Variants in CCR2 observed in about 807,000 individuals in gnomAD.
CCR2 encodes C-C chemokine receptor type 2.
For missense variants in CCR2, 408 were observed against 440.0 expected (o/e 0.93, Z 0.65); for synonymous variants, 183 against 177.1 (o/e 1.03, Z -0.27).
In CCR2 at chr3:46,358,235, G is replaced by A. The variant is rs553980827; in HGVS notation, c.708G>A (p.Lys236=). The A allele has an allele frequency of 2.5e-6, 4 of 1,614,182 alleles. No individual in the cohort carries two copies. In the East Asian group the frequency reaches 8.9e-5, roughly 36 times the overall value. The change falls in exon 2 of 2, where the codon AAG becomes AAA. Residue 236 remains lysine, a synonymous_variant. Coordinates refer to ENST00000445132, the MANE Select transcript of CCR2 (RefSeq NM_001123396.4). ...LKTLLRCRNE[K]KRHRAVRVIF... ...CCCTGCTTCGGTGTCGAAACGAGAA[G>A]AAGAGGCATAGGGCAGTGAGAGTCA...
intron 1 of CCR2, chr3:46,354,746 G>A (rs1005381254): frequency 1.3e-5 from 2 of 152,224 alleles, no homozygotes; most frequent in Non-Finnish European, 2.9e-5. Context: ...ATTAAGTAAT[G>A]TGTGCACAGC....
chr3:46,359,147 G>T lies in CCR2; in HGVS notation c.*537G>T. 2.0e-6 allele frequency: 2 copies of T among 1,005,874 alleles called. No homozygotes were observed. Among genetic ancestry groups the T allele is most frequent in the Non-Finnish European group, 2.4e-6 (2 of 833,574 alleles). 62.3% of individuals were successfully genotyped at this position (1,005,874 alleles called of 1,614,324 possible). ...TGCCACGTGTATTTAACCTTGAAGG[G>T]TTCACCAGGTCAGGGAGAGTTTGGG... On this transcript the variant is annotated 3_prime_UTR_variant, in exon 2 of 2. Coordinates refer to ENST00000445132, the MANE Select transcript of CCR2 (RefSeq NM_001123396.4).
Position 46,358,606 on chromosome 3 carries a change from T to A in CCR2, c.1079T>A (p.Leu360Ter). 6.4e-7 allele frequency: 1 copy of A among 1,570,168 alleles called. No individual in the cohort carries two copies. Among genetic ancestry groups the A allele is most frequent in the Non-Finnish European group, 8.7e-7 (1 of 1,155,920 alleles). Residue 360 changes from leucine (L) to a stop codon, truncating the protein, a stop_gained, in exon 2 of 2, where the codon TTA becomes TAA. Transcript: ENST00000445132. LOFTEE classifies it high-confidence loss of function. ...STGEQEVSAG[L>*] is the part of the protein sequence containing the mutation. The stretch of plus-strand genomic sequence containing the variant: ...GGGGAGCAGGAAGTCTCGGCTGGTT[T>A]ATAAAACGAGGAGCAGTTTGATTGT...
chr3:46,360,041 G>A lies in CCR2; in HGVS notation c.*1431G>A. 1 of 567,954 alleles carries A rather than the reference G, an allele frequency of 1.8e-6. No individual in the cohort carries two copies. Among genetic ancestry groups the A allele is most frequent in the African/African-American group, 1.9e-5 (1 of 51,754 alleles). The allele number at this position is 567,954 out of a possible 1,614,324, so 35.2% of individuals were successfully genotyped here. ...TTCCAGTTCCTCATTTTTGAATACAGGCATAGAGTTCAGACTTTTTTTAAA... is the reference window on the plus strand; with the variant it reads ...TTCCAGTTCCTCATTTTTGAATACAAGCATAGAGTTCAGACTTTTTTTAAA... On this transcript the variant is annotated 3_prime_UTR_variant, in exon 2 of 2. Coordinates refer to ENST00000445132, the MANE Select transcript of CCR2 (RefSeq NM_001123396.4).
chr3:46,359,341 C>T lies in CCR2; in HGVS notation c.*731C>T. On this transcript the variant is annotated 3_prime_UTR_variant, in exon 2 of 2. Coordinates refer to ENST00000445132, the MANE Select transcript of CCR2 (RefSeq NM_001123396.4). Reference sequence around the variant, plus strand: ...CAGATGCTTCTTAGGCCACATCCCCCTGTCTAAAAATTCAGAAAATTTTTG... The same window carrying T: ...CAGATGCTTCTTAGGCCACATCCCCTTGTCTAAAAATTCAGAAAATTTTTG... The T allele has an allele frequency of 9.6e-7, 1 of 1,038,534 alleles. No individual in the cohort carries two copies. Among genetic ancestry groups the T allele is most frequent in the Non-Finnish European group, 1.2e-6 (1 of 857,108 alleles). The allele number at this position is 1,038,534 out of a possible 1,614,324, so 64.3% of individuals were successfully genotyped here.
Position 46,358,571 on chromosome 3 carries a change from G to T in CCR2, c.1044G>T (p.Thr348=). The change falls in exon 2 of 2, where the codon ACG becomes ACT. Residue 348 remains threonine, a synonymous_variant. Transcript: ENST00000445132. ...ETVDGVTSTN[T]PSTGEQEVSA... ...TGGATGGAGTGACTTCAACAAACAC[G>T]CCTTCCACTGGGGAGCAGGAAGTCT... The T allele has an allele frequency of 6.2e-7, 1 of 1,601,148 alleles. No individual in the cohort carries two copies.
intron 1 of CCR2, among the ~76,000 whole-genome samples, chr3:46,356,335 G>T (rs962796119): frequency 6.6e-6 from 1 of 152,196 alleles, no homozygotes; most frequent in Non-Finnish European, 1.5e-5. Flanking sequence ...AGAGCTAAGT[G>T]TGGTGCCTGG....
rs1225694981 is a variant in CCR2, at chr3:46,358,193, C to G, written c.666C>G (p.Tyr222Ter). Residue 222 changes from tyrosine to a stop codon, truncating the protein, a stop_gained, in exon 2 of 2, where the codon TAC becomes TAG. Transcript: ENST00000445132. LOFTEE classifies it low-confidence loss of function (END_TRUNC). ...VLPLLIMVIC[Y>*]SGILKTLLRC... ...CGCTGCTCATCATGGTCATCTGCTA[C>G]TCGGGAATCCTGAAAACCCTGCTTC... The G allele has an allele frequency of 1.2e-6, 2 of 1,614,084 alleles. No homozygotes were observed. The highest frequency in any genetic ancestry group is 1.7e-6 in the Non-Finnish European group (2 of 1,180,038).
chr3:46,354,349 A>G (rs1368976126), intron 1 of CCR2, among the ~76,000 whole-genome samples, 172 bp downstream of exon 1: 1 of 152,192 alleles, frequency 6.6e-6, no homozygotes, highest in Non-Finnish European at 1.5e-5. Context: ...AGGAGATGTT[A>G]GAGAAACCCT....
At chr3:46,355,525 G>A (rs966354424) in intron 1 of CCR2, among the ~76,000 whole-genome samples, 1 of 152,160 alleles carries the variant, frequency 6.6e-6, no homozygotes, top group Non-Finnish European at 1.5e-5. Context: ...TAAGTCATAG[G>A]GCTACTGGAG....
chr3:46,359,340 CCT>C lies in CCR2; in HGVS notation c.*731_*732del, dbSNP rs1474981165. 36 of 1,037,978 alleles carry C rather than the reference CCT, an allele frequency of 3.5e-5. No individual in the cohort carries two copies. Among genetic ancestry groups the C allele is most frequent in the Middle Eastern group, 4.8e-4 (1 of 2,104 alleles). The allele number at this position is 1,037,978 out of a possible 1,614,324, so 64.3% of individuals were successfully genotyped here. On this transcript the variant is annotated 3_prime_UTR_variant, in exon 2 of 2. Transcript: ENST00000445132. ...TCAGATGCTTCTTAGGCCACATCCC[CCT>C]GTCTAAAAATTCAGAAAATTTTTGT...
In CCR2 at chr3:46,359,603, G is replaced by C; in HGVS notation, c.*993G>C. 7.0e-7 allele frequency: 1 copy of C among 1,432,102 alleles called. No homozygotes were observed. 88.7% of individuals were successfully genotyped at this position (1,432,102 alleles called of 1,614,324 possible). A position where few individuals can be genotyped will look rare whatever the true frequency, so the allele number is the denominator to read the frequency against. ...AGAACCCAGTAAAGCTTCTTGTCTG[G>C]ATCTGAGCTGGTTTGTTTTGTGCTT... On this transcript the variant is annotated 3_prime_UTR_variant, in exon 2 of 2. Coordinates refer to ENST00000445132, the MANE Select transcript of CCR2 (RefSeq NM_001123396.4).
intron 1 of CCR2, among the ~76,000 whole-genome samples, chr3:46,356,162 A>T (rs1701448142): frequency 6.6e-6 from 1 of 152,252 alleles, no homozygotes; most frequent in Admixed American, 6.5e-5. Flanking sequence ...GATATGCATC[A>T]GGCAATGGGA....
rs1441395681 is a variant in CCR2 at position 46,360,211 on chromosome 3, G to A, written c.*1601G>A. 3.7e-6 allele frequency: 1 copy of A among 268,450 alleles called. No individual in the cohort carries two copies. The highest frequency in any genetic ancestry group is 2.3e-5 in the African/African-American group (1 of 42,798). 16.6% of individuals were successfully genotyped at this position (268,450 alleles called of 1,614,324 possible). ...TGAGCTTAAGAATTTTGAGCAGGTG[G>A]TATGTTTGGGAGACTGCTGAGTCAA... On this transcript the variant is annotated 3_prime_UTR_variant, in exon 2 of 2. Transcript: ENST00000445132.
rs752746746 is a variant in CCR2 at position 46,358,092 on chromosome 3, G to A, written c.565G>A (p.Val189Ile). The change falls in exon 2 of 2, where the codon GTC (valine) becomes ATC (isoleucine). Residue 189 changes from valine (V) to isoleucine (I), a missense_variant. Transcript: ENST00000445132. ...ATGCCAGAAAGAAGATTCTGTTTAT[G>A]TCTGTGGCCCTTATTTTCCACGAGG... is the stretch of plus-strand genomic sequence containing the variant. Reference protein sequence around the residue: ...TKCQKEDSVYVCGPYFPRGWN... With the variant: ...TKCQKEDSVYICGPYFPRGWN... 1.2e-6 allele frequency: 2 copies of A among 1,614,154 alleles called. No individual in the cohort carries two copies. Among genetic ancestry groups the A allele is most frequent in the South Asian group, 2.2e-5 (2 of 91,088 alleles).
Position 46,358,621 on chromosome 3 carries a change from A to C in CCR2, c.*11A>C. On this transcript the variant is annotated 3_prime_UTR_variant, in exon 2 of 2. Transcript: ENST00000445132. ...TCGGCTGGTTTATAAAACGAGGAGCAGTTTGATTGTTGTTTATAAAGGGAG... is the reference window on the plus strand; with the variant it reads ...TCGGCTGGTTTATAAAACGAGGAGCCGTTTGATTGTTGTTTATAAAGGGAG... 5.8e-6 allele frequency: 9 copies of C among 1,556,954 alleles called. No individual in the cohort carries two copies. Among genetic ancestry groups the C allele is most frequent in the Non-Finnish European group, 7.8e-6 (9 of 1,149,012 alleles).
chr3:46,358,414 C>T lies in CCR2; in HGVS notation c.887C>T (p.Thr296Ile). 5 of 1,614,106 alleles carry T rather than the reference C, an allele frequency of 3.1e-6. No homozygotes were observed. The highest frequency in any genetic ancestry group is 4.2e-6 in the Non-Finnish European group (5 of 1,180,010). ...ATQVTETLGM[T>I]HCCINPIIYA... The stretch of plus-strand genomic sequence containing the variant: ...CAGGTGACAGAGACTCTTGGGATGA[C>T]TCACTGCTGCATCAATCCCATCATC... Residue 296 changes from threonine to isoleucine, a missense_variant, in exon 2 of 2, where the codon ACT (threonine) becomes ATT (isoleucine). By Grantham distance (89) the Thr-to-Ile change is moderately conservative. Transcript: ENST00000445132.
Position 46,359,860 on chromosome 3 carries a change from G to C in CCR2, c.*1250G>C, listed in dbSNP as rs1484763146. ...GTCTTCAGGACAAAGAAGGAGCCTA[G>C]AGACAGAAATGACAGATCTCTGCTT... On this transcript the variant is annotated 3_prime_UTR_variant, in exon 2 of 2. Transcript: ENST00000445132. 1 of 1,612,592 alleles carries C rather than the reference G, an allele frequency of 6.2e-7. No homozygotes were observed.
Position 46,358,815 on chromosome 3 carries a change from T to A in CCR2, c.*205T>A. On this transcript the variant is annotated 3_prime_UTR_variant, in exon 2 of 2. Coordinates refer to ENST00000445132, the MANE Select transcript of CCR2 (RefSeq NM_001123396.4). Reference sequence around the variant, plus strand: ...ATCCAGAAAAACTGTGGGTAGAGACTTTGACTCTCCAGAAAGCTCATCTCA... The same window carrying A: ...ATCCAGAAAAACTGTGGGTAGAGACATTGACTCTCCAGAAAGCTCATCTCA... 7.4e-7 allele frequency: 1 copy of A among 1,357,730 alleles called. No homozygotes were observed. The highest frequency in any genetic ancestry group is 2.0e-5 in the South Asian group (1 of 50,880). 84.1% of individuals were successfully genotyped at this position (1,357,730 alleles called of 1,614,324 possible).
Sources: allele counts gnomAD v4.1 joint callset (sites outside exome capture counted in the v4.1 genomes callset), GRCh38; gene constraint gnomAD v4.1.1; transcripts MANE v1.5; gene names NCBI Gene and HGNC (gene_info 2026-07-23, HGNC 2026-07-21).